Variants in STT3B observed in about 807,000 individuals in gnomAD.
STT3B encodes the protein STT3 oligosaccharyltransferase complex catalytic subunit B.
Under a neutral mutation model 96.8 loss-of-function variants are expected in STT3B, and 29 were observed. The ratio of observed to expected loss-of-function variants is 0.30; its 90% CI spans 0.22 to 0.41. The LOEUF (loss-of-function observed/expected upper bound fraction) is 0.41, where lower values mean the gene tolerates loss of function less well. Among genes scored for constraint, STT3B ranks in the 10% least tolerant of loss-of-function variants. The pLI, the probability that STT3B is intolerant of heterozygous loss-of-function variation, is 1.00. For missense variants in STT3B, 640 were observed against 1,022.3 expected (o/e 0.63, Z 5.10); for synonymous variants, 367 against 360.0 (o/e 1.02, Z -0.22).
At chr3:31,600,305 T>C (rs1698901343) in intron 4 of STT3B, 55 bp from the exon 5 acceptor site, 2 of 764,998 alleles carry the variant, frequency 2.6e-6, no homozygotes, top group Non-Finnish European at 4.1e-6. Flanking sequence ...TTCCTAAATA[T>C]ACTTATTTTA....
chr3:31,603,443 A>G (rs1005810536), intron 5 of STT3B, among the ~76,000 whole-genome samples: 12 of 151,984 alleles, frequency 7.9e-5, no homozygotes, highest in African/African-American at 2.9e-4. Context: ...GGAAAAATTT[A>G]ATTTTCTGTT....
chr3:31,603,103 G>A (rs373434542), intron 5 of STT3B, among the ~76,000 whole-genome samples: 18 of 151,586 alleles, frequency 1.2e-4, no homozygotes, highest in East Asian at 1.2e-3. Context: ...AAATGTTTAG[G>A]TAAAAAAAAA....
intron 4 of STT3B, among the ~76,000 whole-genome samples, chr3:31,599,223 T>G (rs1698868723): frequency 6.6e-6 from 1 of 152,192 alleles, no homozygotes; most frequent in Admixed American, 6.5e-5. Flanking sequence ...TTTTGAAAAT[T>G]AATGACAATT....
At chr3:31,589,348 T>A (rs922766818) in intron 3 of STT3B, among the ~76,000 whole-genome samples, 2 of 152,096 alleles carry the variant, frequency 1.3e-5, no homozygotes, top group African/African-American at 4.8e-5. Flanking sequence ...TTCTTTCTGA[T>A]TCTTTGGGGT....
Position 31,629,313 on chromosome 3 carries a change from AC to A in STT3B, c.2093del (p.Pro698HisfsTer7). ...PKDIRESDYF[T>X]PQGEFRVDKA... ...TTTCTTGTAGGAAAGTGACTATTTTACCCCACAGGGAGAATTCCGTGTAGAC... is the reference window on the plus strand; with the variant it reads ...TTTCTTGTAGGAAAGTGACTATTTTACCCACAGGGAGAATTCCGTGTAGAC... On this transcript the variant is annotated frameshift_variant, in exon 14 of 16. Coordinates refer to ENST00000295770, the MANE Select transcript of STT3B (RefSeq NM_178862.3). LOFTEE classifies it high-confidence loss of function. 1 of 1,602,122 alleles carries A rather than the reference AC, an allele frequency of 6.2e-7. No individual in the cohort carries two copies. Among genetic ancestry groups the A allele is most frequent in the Non-Finnish European group, 8.5e-7 (1 of 1,171,376 alleles).
intron 14 of STT3B, among the ~76,000 whole-genome samples, chr3:31,631,492 A>G (rs570254456): frequency 2.0e-5 from 3 of 152,328 alleles, no homozygotes; most frequent in African/African-American, 7.2e-5. Flanking sequence ...TAAGTTTATC[A>G]ATAGTTTTAA....
intron 5 of STT3B, among the ~76,000 whole-genome samples, chr3:31,611,915 T>C (rs1306949861): frequency 6.6e-6 from 1 of 152,208 alleles, no homozygotes; most frequent in Non-Finnish European, 1.5e-5. Context: ...TAAATTGAGA[T>C]ATAGCAATAT....
intron 1 of STT3B, among the ~76,000 whole-genome samples, chr3:31,555,659 A>C (rs185978851): frequency 6.6e-6 from 1 of 152,150 alleles, no homozygotes; most frequent in East Asian, 1.9e-4. Context: ...TAGTCTTTTT[A>C]CATTATCTTT....
At chr3:31,573,074 G>A (rs1698195313) in intron 1 of STT3B, among the ~76,000 whole-genome samples, 1 of 152,116 alleles carries the variant, frequency 6.6e-6, no homozygotes, top group Non-Finnish European at 1.5e-5. Context: ...CAGTGATACA[G>A]GCAGAGGGGA....
intron 1 of STT3B, among the ~76,000 whole-genome samples, chr3:31,538,884 C>A (rs570820736): frequency 6.6e-6 from 1 of 152,144 alleles, no homozygotes; most frequent in East Asian, 1.9e-4. Context: ...TACTTCTGAC[C>A]ATGAGTAATT....
chr3:31,632,227 G>A (rs1355719581), intron 14 of STT3B, among the ~76,000 whole-genome samples: 3 of 151,982 alleles, frequency 2.0e-5, no homozygotes, highest in Admixed American at 6.6e-5. Context: ...ATCCTTTCAC[G>A]GTTTGGTTTT....
chr3:31,616,861 C>A, intron 6 of STT3B, 68 bp from the exon 7 acceptor site: 2 of 1,409,318 alleles, frequency 1.4e-6, no homozygotes, highest in South Asian at 1.4e-5. Flanking sequence ...GAAGCTCTTT[C>A]AAATGAAAGT....
chr3:31,618,259 T>C (rs1190634260), intron 8 of STT3B, among the ~76,000 whole-genome samples: 1 of 140,976 alleles, frequency 7.1e-6, no homozygotes, highest in Non-Finnish European at 1.5e-5. Flanking sequence ...TAGGTTACCT[T>C]TGTGCAATTT....
intron 1 of STT3B, among the ~76,000 whole-genome samples, chr3:31,549,812 T>C (rs1697506455): frequency 6.6e-6 from 1 of 152,200 alleles, no homozygotes; most frequent in African/African-American, 2.4e-5. Flanking sequence ...CTTAAATATA[T>C]GTTATACACG....
In STT3B at chr3:31,637,079, T is replaced by A. The variant is rs1184957363; in HGVS notation, c.*1015T>A. 2.0e-5 allele frequency: 3 copies of A among 152,216 alleles called. No homozygotes were observed. The highest frequency in any genetic ancestry group is 2.0e-4 in the Admixed American group (3 of 15,282). 9.4% of individuals were successfully genotyped at this position (152,216 alleles called of 1,614,324 possible). A position where few individuals can be genotyped will look rare whatever the true frequency, so the allele number is the denominator to read the frequency against. On this transcript the variant is annotated 3_prime_UTR_variant, in exon 16 of 16. Coordinates refer to ENST00000295770, the MANE Select transcript of STT3B (RefSeq NM_178862.3). ...CTTAAGCATTTGATGAAACACTCTT[T>A]AGTGCTATATGCATTTTCTTACTTT...
chr3:31,594,040 T>G lies in STT3B; in HGVS notation c.712-2758T>G, dbSNP rs74692242. Reference sequence around the variant, plus strand: ...AAATAGCTTATCCGAACATGCAATTTTCTATTTCAAAGCCTCTGCTACTGG... The same window carrying G: ...AAATAGCTTATCCGAACATGCAATTGTCTATTTCAAAGCCTCTGCTACTGG... On this transcript the variant is annotated intron_variant, in intron 3 of 15. Transcript: ENST00000295770. Among the ~76,000 whole-genome samples the G allele has an allele frequency of 3.3e-4, 51 of 152,300 alleles. No individual in the cohort carries two copies. The East Asian group carries it at 9.5e-3, about 28-fold the overall frequency.
intron 1 of STT3B, among the ~76,000 whole-genome samples, chr3:31,558,510 C>G (rs144240213): frequency 1.3e-5 from 2 of 152,116 alleles, no homozygotes; most frequent in Non-Finnish European, 2.9e-5. Flanking sequence ...TTGTGTCTGT[C>G]GAATCATCCT....
At chr3:31,597,840 A>AT (rs141801688) in intron 4 of STT3B, among the ~76,000 whole-genome samples, 66,454 of 146,962 alleles carry the variant, frequency 0.45, 17,891 homozygotes, top group Non-Finnish European at 0.6. Flanking sequence ...TATTATTATT[A>AT]TTATTTTTTT....
intron 3 of STT3B, among the ~76,000 whole-genome samples, chr3:31,594,114 G>A (rs1323997387): frequency 6.6e-6 from 1 of 152,118 alleles, no homozygotes; most frequent in African/African-American, 2.4e-5. Context: ...ATGACTTATT[G>A]TCTGGGAAAA....
Sources: allele counts gnomAD v4.1 joint callset (sites outside exome capture counted in the v4.1 genomes callset), GRCh38; gene constraint gnomAD v4.1.1; transcripts MANE v1.5; gene names NCBI Gene and HGNC (gene_info 2026-07-23, HGNC 2026-07-21).